Variants in ADAMTSL1 observed in about 807,000 individuals in gnomAD.
ADAMTSL1 encodes the protein ADAMTS like 1.
In ADAMTSL1, 126 loss-of-function variants were observed where a neutral mutation model predicts 201.8. That is an observed-to-expected ratio of 0.62 (90% confidence interval 0.54 to 0.72). The LOEUF (loss-of-function observed/expected upper bound fraction) is 0.72. Ranked by LOEUF, ADAMTSL1 falls within the 30% of genes least tolerant of loss-of-function variation. ADAMTSL1 has a pLI of 0.00. For missense variants in ADAMTSL1, 2,679 were observed against 2,277.8 expected (o/e 1.18, Z -3.59); for synonymous variants, 1,121 against 903.4 (o/e 1.24, Z -4.32).
chr9:18,360,221 T>G (rs1297511482), intron 2 of ADAMTSL1, among the ~76,000 whole-genome samples: 1 of 152,102 alleles, frequency 6.6e-6, no homozygotes, highest in Non-Finnish European at 1.5e-5. Context: ...TCAATCACTT[T>G]AACTCCAGAT....
chr9:18,865,712 A>G (rs1827487893), intron 23 of ADAMTSL1, among the ~76,000 whole-genome samples: 1 of 152,168 alleles, frequency 6.6e-6, no homozygotes, highest in African/African-American at 2.4e-5. Flanking sequence ...GGGCCTAAAG[A>G]CAATATTTTC....
At chr9:18,345,138 C>G (rs939995192) in intron 2 of ADAMTSL1, among the ~76,000 whole-genome samples, 2 of 152,076 alleles carry the variant, frequency 1.3e-5, no homozygotes, top group African/African-American at 4.8e-5. Context: ...CCTACAGGAT[C>G]TAAGTGTCTG....
At chr9:18,164,238 A>C (rs1827534519) in intron 2 of ADAMTSL1, among the ~76,000 whole-genome samples, 4 of 151,950 alleles carry the variant, frequency 2.6e-5, no homozygotes, top group Non-Finnish European at 5.9e-5. Context: ...TGGAGGATTC[A>C]CATTAAGACA....
intron 23 of ADAMTSL1, among the ~76,000 whole-genome samples, chr9:18,872,407 T>C (rs1362602895): frequency 6.6e-6 from 1 of 152,136 alleles, no homozygotes; most frequent in Non-Finnish European, 1.5e-5. Flanking sequence ...TTCAGTGGCC[T>C]GATTTCTGAG....
chr9:18,872,284 C>T (rs1827911307), intron 23 of ADAMTSL1, among the ~76,000 whole-genome samples: 1 of 152,146 alleles, frequency 6.6e-6, no homozygotes, highest in African/African-American at 2.4e-5. Flanking sequence ...GCTACCATCA[C>T]TAGGGCTGAG....
intron 2 of ADAMTSL1, among the ~76,000 whole-genome samples, chr9:18,263,167 T>C (rs1043815716): frequency 2.6e-5 from 4 of 152,102 alleles, no homozygotes; most frequent in Admixed American, 2.6e-4. Flanking sequence ...GACCATTCAG[T>C]AAAGAAACCA....
chr9:18,345,535 T>G (rs1260592597), intron 2 of ADAMTSL1, among the ~76,000 whole-genome samples: 1 of 152,170 alleles, frequency 6.6e-6, no homozygotes, highest in Non-Finnish European at 1.5e-5. Flanking sequence ...TTACTATATT[T>G]TATAAACGGA....
intron 2 of ADAMTSL1, among the ~76,000 whole-genome samples, chr9:18,322,085 A>G (rs1395618991): frequency 6.6e-6 from 1 of 152,180 alleles, no homozygotes; most frequent in Non-Finnish European, 1.5e-5. Context: ...TGCAAACTAA[A>G]CTATAATGAA....
At chr9:18,823,256 G>A (rs575374280) in intron 21 of ADAMTSL1, among the ~76,000 whole-genome samples, 5 of 152,306 alleles carry the variant, frequency 3.3e-5, no homozygotes, top group Middle Eastern at 3.4e-3. Flanking sequence ...CCTTGGGACT[G>A]CTGTCAGGTC....
chr9:18,196,417 T>C (rs754716158), intron 2 of ADAMTSL1, among the ~76,000 whole-genome samples: 3 of 152,022 alleles, frequency 2.0e-5, no homozygotes, highest in Non-Finnish European at 2.9e-5. Flanking sequence ...ATAAATATAT[T>C]CAGGCTTAAT....
intron 2 of ADAMTSL1, among the ~76,000 whole-genome samples, chr9:18,468,587 G>A (rs1821093924): frequency 6.6e-6 from 1 of 152,026 alleles, no homozygotes; most frequent in African/African-American, 2.4e-5. Context: ...TTGTCCAAAA[G>A]CCTAAAACAG....
intron 2 of ADAMTSL1, among the ~76,000 whole-genome samples, chr9:18,462,029 T>A (rs552561150): frequency 6.6e-6 from 1 of 152,276 alleles, no homozygotes; most frequent in East Asian, 1.9e-4. Context: ...CATCAGCTTT[T>A]GGTTGAAAAA....
At chr9:18,703,442 C>G (rs1355760452) in intron 13 of ADAMTSL1, among the ~76,000 whole-genome samples, 2 of 151,906 alleles carry the variant, frequency 1.3e-5, no homozygotes, top group Non-Finnish European at 2.9e-5. Flanking sequence ...ACAAAAGAGA[C>G]TATATTATAT....
intron 13 of ADAMTSL1, among the ~76,000 whole-genome samples, chr9:18,693,327 A>C (rs953338259): frequency 2.0e-5 from 3 of 152,242 alleles, no homozygotes; most frequent in African/African-American, 7.2e-5. Flanking sequence ...CTCAAGCTAC[A>C]TGACTATCTA....
At chr9:18,335,372 G>T (rs1341427504) in intron 2 of ADAMTSL1, among the ~76,000 whole-genome samples, 1 of 151,966 alleles carries the variant, frequency 6.6e-6, no homozygotes, top group African/African-American at 2.4e-5. Context: ...GTGTTGTCCA[G>T]GCTGGTTTTG....
At chr9:18,416,615 T>A (rs1361080404) in intron 2 of ADAMTSL1, among the ~76,000 whole-genome samples, 3 of 151,964 alleles carry the variant, frequency 2.0e-5, no homozygotes, top group Non-Finnish European at 4.4e-5. Context: ...TCAAAAGAAA[T>A]CTACATTTGA....
chr9:18,555,827 G>T (rs1821077292), intron 3 of ADAMTSL1, among the ~76,000 whole-genome samples: 1 of 151,942 alleles, frequency 6.6e-6, no homozygotes, highest in South Asian at 2.1e-4. Flanking sequence ...GGGCTGGATG[G>T]TAACAAATAC....
intron 1 of ADAMTSL1, among the ~76,000 whole-genome samples, chr9:18,039,809 T>A (rs1821359007): frequency 1.3e-5 from 2 of 152,152 alleles, no homozygotes; most frequent in South Asian, 4.1e-4. Context: ...AAAATTATTA[T>A]TTAGTCAAGG....
At chr9:18,260,784 A>T (rs959051940) in intron 2 of ADAMTSL1, among the ~76,000 whole-genome samples, 3 of 152,138 alleles carry the variant, frequency 2.0e-5, no homozygotes, top group African/African-American at 7.2e-5. Flanking sequence ...CAGGCCACTT[A>T]CGGGGGAGGT....
Sources: gnomAD v4.1 joint callset for allele counts (sites outside exome capture counted in the v4.1 genomes callset) on GRCh38, gnomAD v4.1.1 for gene constraint, MANE v1.5 for transcripts, NCBI Gene and HGNC (gene_info 2026-07-23, HGNC 2026-07-21) for gene names.